The following PPP2R5E variants were observed in gnomAD, a reference collection of about 807,000 sequenced individuals.
PPP2R5E encodes the protein protein phosphatase 2 regulatory subunit B'epsilon.
In PPP2R5E, 4 loss-of-function variants were observed where a neutral mutation model predicts 65.3. That is an observed-to-expected ratio of 0.06 (90% confidence interval 0.03 to 0.14). The LOEUF (loss-of-function observed/expected upper bound fraction) is 0.14. Ranked by LOEUF, PPP2R5E falls within the 10% of genes least tolerant of loss-of-function variation. PPP2R5E has a pLI of 1.00. For missense variants in PPP2R5E, 274 were observed against 556.1 expected, an observed-to-expected ratio of 0.49 and a Z score of 5.10; for synonymous variants, 183 against 187.4, an observed-to-expected ratio of 0.98 and a Z score of 0.19.
rs147379764 is a variant in PPP2R5E, at chr14:63,444,816, T to A, written c.354+8873A>T. On this transcript the variant is annotated intron_variant, in intron 3 of 13. Coordinates refer to ENST00000337537, the MANE Select transcript of PPP2R5E (RefSeq NM_006246.5). ...CAGACACCTGACACTTGAGATGATG[T>A]GAAGCAGAATGGAGCAAAGCCTAAA... is the stretch of plus-strand genomic sequence containing the variant. 5.6e-4 allele frequency among the ~76,000 whole-genome samples: 86 copies of A among 152,318 alleles called. No individual in the cohort carries two copies. In the East Asian group the frequency reaches 0.016, roughly 29 times the overall value.
intron 3 of PPP2R5E, among the ~76,000 whole-genome samples, chr14:63,434,576 C>T (rs10140679): frequency 0.43 from 65,758 of 152,002 alleles, 18,546 homozygotes; most frequent in African/African-American, 0.81. Context: ...TTTTCCACTA[C>T]GACCTCTGTG....
At chr14:63,398,356 C>G (rs1179697385) in intron 5 of PPP2R5E, among the ~76,000 whole-genome samples, 1 of 152,160 alleles carries the variant, frequency 6.6e-6, no homozygotes, top group Non-Finnish European at 1.5e-5. Flanking sequence ...GTCCAAAATA[C>G]CAAGACAGTG....
chr14:63,499,501 G>C (rs951588001), intron 2 of PPP2R5E, among the ~76,000 whole-genome samples: 1 of 152,128 alleles, frequency 6.6e-6, no homozygotes, highest in African/African-American at 2.4e-5. Flanking sequence ...GAGGTGGGTG[G>C]ATCACCTGAA....
At chr14:63,409,759 T>C (rs1299702206) in intron 5 of PPP2R5E, among the ~76,000 whole-genome samples, 1 of 152,274 alleles carries the variant, frequency 6.6e-6, no homozygotes, top group Admixed American at 6.5e-5. Flanking sequence ...TAAGCAGATT[T>C]GACAACTGTC....
intron 2 of PPP2R5E, among the ~76,000 whole-genome samples, chr14:63,529,033 A>T (rs1485969977): frequency 2.0e-5 from 3 of 152,154 alleles, no homozygotes; most frequent in African/African-American, 7.2e-5. Context: ...CCAAGAGACA[A>T]GGGTCTTGCT....
At chr14:63,483,953 C>T (rs1385879135) in intron 2 of PPP2R5E, among the ~76,000 whole-genome samples, 3 of 151,826 alleles carry the variant, frequency 2.0e-5, no homozygotes, top group South Asian at 4.2e-4. Context: ...ACTGGTGGCG[C>T]GCGCCTATAG....
chr14:63,515,820 T>C (rs1892649326), intron 2 of PPP2R5E, among the ~76,000 whole-genome samples: 1 of 150,318 alleles, frequency 6.7e-6, no homozygotes, highest in Non-Finnish European at 1.5e-5. Context: ...TACCCAGTCA[T>C]AGTCACTTAT....
rs1594861461 is a variant in PPP2R5E, at chr14:63,426,745, G to A, written c.355-4651C>T. On this transcript the variant is annotated intron_variant, in intron 3 of 13. Coordinates refer to ENST00000337537, the MANE Select transcript of PPP2R5E (RefSeq NM_006246.5). ...AAAATCACAGCCTCCCACAATACCA[G>A]AGAGCTTGGCTCATGAATGAATGAT... 2.1e-5 allele frequency among the ~76,000 whole-genome samples: 3 copies of A among 142,076 alleles called. No homozygotes were observed. In the South Asian group the frequency reaches 7.0e-4, roughly 33 times the overall value. 93.2% of individuals were successfully genotyped at this position (142,076 alleles called of 152,430 possible).
chr14:63,394,227 C>T (rs1299328858), intron 7 of PPP2R5E, among the ~76,000 whole-genome samples: 1 of 151,972 alleles, frequency 6.6e-6, no homozygotes, highest in Non-Finnish European at 1.5e-5. Context: ...GGATTACAGG[C>T]ACCCACCACC....
chr14:63,525,020 C>G (rs1893123618), intron 2 of PPP2R5E, among the ~76,000 whole-genome samples: 2 of 152,352 alleles, frequency 1.3e-5, no homozygotes, highest in South Asian at 4.1e-4. Context: ...GCCAGACCGG[C>G]CTAGGGTCCC....
chr14:63,516,483 T>G (rs1328694243), intron 2 of PPP2R5E, among the ~76,000 whole-genome samples: 2 of 152,258 alleles, frequency 1.3e-5, no homozygotes, highest in African/African-American at 4.8e-5. Context: ...ATTCATATTC[T>G]AAGCCACCTG....
intron 2 of PPP2R5E, among the ~76,000 whole-genome samples, chr14:63,519,602 C>T (rs1453539584): frequency 9.9e-5 from 15 of 150,932 alleles, no homozygotes; most frequent in African/African-American, 3.4e-4. Context: ...GATCTACCCA[C>T]CTCGGCCTCT....
chr14:63,393,645 G>A (rs770878077), intron 8 of PPP2R5E, among the ~76,000 whole-genome samples, 175 bp downstream of exon 8: 1 of 152,154 alleles, frequency 6.6e-6, no homozygotes, highest in East Asian at 1.9e-4. Flanking sequence ...CCGGGAGGTG[G>A]AGGCTGCAGT....
At chr14:63,516,935 T>C (rs1283315772) in intron 2 of PPP2R5E, among the ~76,000 whole-genome samples, 1 of 152,214 alleles carries the variant, frequency 6.6e-6, no homozygotes, top group Non-Finnish European at 1.5e-5. Flanking sequence ...ATATATTGTT[T>C]TGCTTAAACA....
Position 63,375,141 on chromosome 14 carries a change from T to C in PPP2R5E, c.*868A>G, listed in dbSNP as rs1043297755. The stretch of plus-strand genomic sequence containing the variant: ...TGTATTGTTTAGTGTTTGTCTTTCT[T>C]ATTTCAAATGGTCCAAAAGGATGTT... On this transcript the variant is annotated 3_prime_UTR_variant, in exon 14 of 14. Transcript: ENST00000337537. The C allele has an allele frequency of 6.6e-6, 1 of 152,608 alleles. No individual in the cohort carries two copies. The highest frequency in any genetic ancestry group is 2.4e-5 in the African/African-American group (1 of 41,448). 9.5% of individuals were successfully genotyped at this position (152,608 alleles called of 1,614,324 possible). A position where few individuals can be genotyped will look rare whatever the true frequency, so the allele number is the denominator to read the frequency against.
At chr14:63,528,198 C>T (rs1328329168) in intron 2 of PPP2R5E, among the ~76,000 whole-genome samples, 1 of 152,068 alleles carries the variant, frequency 6.6e-6, no homozygotes, top group Non-Finnish European at 1.5e-5. Flanking sequence ...TGATCTTTTT[C>T]AAGCACTACA....
At chr14:63,407,788 C>T (rs948255030) in intron 5 of PPP2R5E, among the ~76,000 whole-genome samples, 1 of 152,152 alleles carries the variant, frequency 6.6e-6, no homozygotes, top group Non-Finnish European at 1.5e-5. Context: ...GCTCTGCCCT[C>T]ATAAATAGAT....
chr14:63,506,213 G>A (rs890272793), intron 2 of PPP2R5E, among the ~76,000 whole-genome samples: 7 of 152,156 alleles, frequency 4.6e-5, no homozygotes, highest in African/African-American at 1.4e-4. Context: ...CACTTTGGGA[G>A]GCCGCGGCGG....
intron 2 of PPP2R5E, among the ~76,000 whole-genome samples, chr14:63,498,148 A>G (rs571593650): frequency 6.6e-6 from 1 of 152,308 alleles, no homozygotes; most frequent in Admixed American, 6.5e-5. Context: ...TTCAGGTAGT[A>G]TCAACCAAGT....
Sources: gnomAD v4.1 joint callset for allele counts (sites outside exome capture counted in the v4.1 genomes callset) on GRCh38, gnomAD v4.1.1 for gene constraint, MANE v1.5 for transcripts, NCBI Gene and HGNC (gene_info 2026-07-23, HGNC 2026-07-21) for gene names.